Variants in PCDHGA10 observed in about 807,000 individuals in gnomAD.
PCDHGA10 encodes protocadherin gamma subfamily A, 10, also known as protocadherin gamma-A10.
PCDHGA10 carries 42 observed loss-of-function variants against 59.5 expected under a neutral mutation model. The ratio of observed to expected loss-of-function variants is 0.71; its 90% CI spans 0.55 to 0.91. PCDHGA10 has a LOEUF of 0.91. Ranked by LOEUF, PCDHGA10 falls within the 40% of genes least tolerant of loss-of-function variation. The pLI is 0.00. For missense variants in PCDHGA10, 1,111 were observed against 1,198.2 expected (o/e 0.93, Z 1.07); for synonymous variants, 511 against 517.2 (o/e 0.99, Z 0.16).
intron 1 of PCDHGA10, among the ~76,000 whole-genome samples, chr5:141,425,668 T>C (rs2096887740): frequency 1.3e-5 from 2 of 152,260 alleles, no homozygotes; most frequent in South Asian, 4.1e-4. Context: ...GCACATCAGA[T>C]TGAAAATAAT....
In PCDHGA10 at chr5:141,430,991, A is replaced by G. The variant is rs2097333608; in HGVS notation, c.2436+15380A>G. 2.5e-6 allele frequency: 4 copies of G among 1,613,862 alleles called. No individual in the cohort carries two copies. In the East Asian group the frequency reaches 8.9e-5, roughly 36 times the overall value. ...AGGTAGGACGCAGCTTTTCGCCCTGAATCCGCGCAGCGGCAGCTTGGTCAC... is the reference window on the plus strand; with the variant it reads ...AGGTAGGACGCAGCTTTTCGCCCTGGATCCGCGCAGCGGCAGCTTGGTCAC... On this transcript the variant is annotated intron_variant, in intron 1 of 3. Coordinates refer to ENST00000398610, the MANE Select transcript of PCDHGA10 (RefSeq NM_018913.3).
At chr5:141,433,612 G>A (rs1181458593) in intron 1 of PCDHGA10, among the ~76,000 whole-genome samples, 1 of 152,082 alleles carries the variant, frequency 6.6e-6, no homozygotes, top group Non-Finnish European at 1.5e-5. Context: ...GAGGCGGGTG[G>A]ATCACCTGAG....
At chr5:141,443,713 A>G (rs774603084) in intron 1 of PCDHGA10, among the ~76,000 whole-genome samples, 19 of 152,246 alleles carry the variant, frequency 1.2e-4, no homozygotes, top group Admixed American at 8.5e-4. Flanking sequence ...ACATTTGCAT[A>G]TAAAATTCCT....
Position 141,494,824 on chromosome 5 carries a change from G to A in PCDHGA10, c.2454G>A (p.Thr818=), listed in dbSNP as rs1423741889. The A allele has an allele frequency of 1.8e-5, 29 of 1,613,924 alleles. No homozygotes were observed. Among genetic ancestry groups the A allele is most frequent in the Non-Finnish European group, 2.4e-5 (28 of 1,180,032 alleles). Residue 818 remains threonine (T), a synonymous_variant, in exon 2 of 4, where the codon ACG becomes ACA. Transcript: ENST00000398610. The part of the protein sequence containing the change: ...TPLVPQAPPN[T]DWRFSQAQRP... ...CTCCACAGCAAGCCCCGCCCAACAC[G>A]GACTGGCGTTTCTCTCAGGCCCAGA...
Position 141,491,648 on chromosome 5 carries a change from T to A in PCDHGA10, c.2437-3159T>A. 6.2e-7 allele frequency: 1 copy of A among 1,613,834 alleles called. No individual in the cohort carries two copies. Among genetic ancestry groups the A allele is most frequent in the Non-Finnish European group, 8.5e-7 (1 of 1,180,002 alleles). ...GTTCAGCAGCCCACAGCTCTGGCGC[T>A]GGAGCCTGACGCCATCCGGTCCCGC... On this transcript the variant is annotated intron_variant, in intron 1 of 3. Transcript: ENST00000398610. This position sits in a 1 kb window ranked among gnomAD's most constrained non-coding sequence, Gnocchi z 6.9.
At position 141,489,068 on chromosome 5, in the gene PCDHGA10, G is replaced by GGCCCC; in HGVS notation, c.2437-5739_2437-5738insGCCCC. On this transcript the variant is annotated intron_variant, in intron 1 of 3. Coordinates refer to ENST00000398610, the MANE Select transcript of PCDHGA10 (RefSeq NM_018913.3). This position sits in a 1 kb window ranked among gnomAD's most constrained non-coding sequence, Gnocchi z 4.5. ...CTCAAATTCAGCTCCCCTCCCCCCT[G>GGCCCC]CCCACCCCCGCCACTCGGTGACTAA... 3.4e-6 allele frequency: 1 copy of GGCCCC among 291,558 alleles called. No individual in the cohort carries two copies. 18.1% of individuals were successfully genotyped at this position (291,558 alleles called of 1,614,324 possible). A position where few individuals can be genotyped will look rare whatever the true frequency, so the allele number is the denominator to read the frequency against.
At chr5:141,457,422 T>TC (rs1038085994) in intron 1 of PCDHGA10, among the ~76,000 whole-genome samples, 6 of 151,626 alleles carry the variant, frequency 4.0e-5, no homozygotes, top group African/African-American at 7.3e-5. Flanking sequence ...CATCCCTTTT[T>TC]CCCCCCCACC....
At chr5:141,494,363 T>C (rs1264801258) in intron 1 of PCDHGA10, among the ~76,000 whole-genome samples, 1 of 152,206 alleles carries the variant, frequency 6.6e-6, no homozygotes, top group Non-Finnish European at 1.5e-5. Context: ...CTGCAGAGGA[T>C]GCTTTGTTCC....
At chr5:141,473,809 A>C (rs1230574978) in intron 1 of PCDHGA10, among the ~76,000 whole-genome samples, 2 of 152,242 alleles carry the variant, frequency 1.3e-5, no homozygotes, top group East Asian at 3.8e-4. Flanking sequence ...ACTGAGGAGC[A>C]GCTGGACAAT....
chr5:141,468,039 A>G (rs1007212946), intron 1 of PCDHGA10, among the ~76,000 whole-genome samples: 21 of 152,262 alleles, frequency 1.4e-4, no homozygotes, highest in African/African-American at 5.1e-4. Context: ...CATTTAGAAA[A>G]CTAAGCCGGG....
intron 1 of PCDHGA10, chr5:141,423,316 G>C (rs1424301976): frequency 1.2e-6 from 2 of 1,614,044 alleles, no homozygotes; most frequent in Non-Finnish European, 1.7e-6. Context: ...CTTGGTGGTG[G>C]CGGTGGCCGC....
intron 1 of PCDHGA10, chr5:141,433,284 C>T: frequency 8.5e-7 from 1 of 1,176,236 alleles, no homozygotes; most frequent in Non-Finnish European, 1.2e-6. Flanking sequence ...GCCTCAAACT[C>T]CTAGGCTCAA....
At chr5:141,430,589 G>A in intron 1 of PCDHGA10, 1 of 529,266 alleles carries the variant, frequency 1.9e-6, no homozygotes, top group Non-Finnish European at 3.1e-6. Context: ...TGCTCGCCTT[G>A]CACGCGCCTG....
At chr5:141,466,549 T>C (rs778708029) in intron 1 of PCDHGA10, among the ~76,000 whole-genome samples, 2 of 152,244 alleles carry the variant, frequency 1.3e-5, no homozygotes, top group African/African-American at 2.4e-5. Flanking sequence ...GGTCTTTTGC[T>C]GTGGGCTTCA....
chr5:141,474,371 G>A (rs909237592), intron 1 of PCDHGA10, among the ~76,000 whole-genome samples: 1 of 152,180 alleles, frequency 6.6e-6, no homozygotes, highest in African/African-American at 2.4e-5. Flanking sequence ...TAGGTCTAGA[G>A]GAGGGCATTT....
Position 141,491,763 on chromosome 5 carries a change from T to A in PCDHGA10, c.2437-3044T>A. 1 of 1,570,222 alleles carries A rather than the reference T, an allele frequency of 6.4e-7. No individual in the cohort carries two copies. The highest frequency in any genetic ancestry group is 8.6e-7 in the Non-Finnish European group (1 of 1,159,286). On this transcript the variant is annotated intron_variant, in intron 1 of 3. Transcript: ENST00000398610. This position sits in a 1 kb window ranked among gnomAD's most constrained non-coding sequence, Gnocchi z 6.9. ...GCGGCACTGGAGAAGCCGCCCGTCC[T>A]CATAAGGGATTGAACTTGCATCCAC... is the stretch of plus-strand genomic sequence containing the variant.
At position 141,487,665 on chromosome 5, in the gene PCDHGA10, G is replaced by C. The variant is rs373971935; in HGVS notation, c.2437-7142G>C. 2.1e-5 allele frequency: 34 copies of C among 1,612,724 alleles called. No homozygotes were observed. In the South Asian group the frequency reaches 3.4e-4, roughly 16 times the overall value. ...ATGCTTGAGGGTTATTCTGATCCAG[G>C]CATATGGCTAGGCCATGTCCTAGAG... On this transcript the variant is annotated intron_variant, in intron 1 of 3. Transcript: ENST00000398610. The surrounding 1 kb of genome is among the most constrained non-coding windows in gnomAD (Gnocchi z 5.0).
At chr5:141,461,225 T>C (rs1157429654) in intron 1 of PCDHGA10, among the ~76,000 whole-genome samples, 3 of 152,162 alleles carry the variant, frequency 2.0e-5, no homozygotes, top group African/African-American at 7.2e-5. Flanking sequence ...CTGTTTTCCA[T>C]AGAGGTTGTA....
At position 141,414,898 on chromosome 5, in the gene PCDHGA10, G is replaced by A. The variant is rs1369274783; in HGVS notation, c.1723G>A (p.Gly575Ser). The change falls in exon 1 of 4, where the codon GGT becomes AGT. Residue 575 changes from glycine (G) to serine (S), a missense_variant. Coordinates refer to ENST00000398610, the MANE Select transcript of PCDHGA10 (RefSeq NM_018913.3). ...EILYPALPTD[G>S]STGVELAPRS... ...CCTGTACCCCGCCCTCCCCACAGAC[G>A]GTTCCACAGGCGTGGAGCTGGCGCC... is the stretch of plus-strand genomic sequence containing the variant. 2.5e-6 allele frequency: 4 copies of A among 1,614,190 alleles called. No individual in the cohort carries two copies. Among genetic ancestry groups the A allele is most frequent in the Admixed American group, 1.7e-5 (1 of 60,028 alleles).
Sources: gnomAD v4.1 joint callset for allele counts (sites outside exome capture counted in the v4.1 genomes callset) on GRCh38, gnomAD v4.1.1 for gene constraint, Gnocchi (gnomAD v3.1) non-coding constraint, MANE v1.5 for transcripts, NCBI Gene and HGNC (gene_info 2026-07-23, HGNC 2026-07-21) for gene names.